Variants in TUBGCP4 observed in about 807,000 individuals in gnomAD.
The protein encoded by TUBGCP4 is gamma-tubulin complex component 4.
In TUBGCP4, 54 loss-of-function variants were observed where a neutral mutation model predicts 91.6. The ratio of observed to expected loss-of-function variants is 0.59; its 90% CI spans 0.47 to 0.74. The LOEUF is 0.74. TUBGCP4 is among the 30% of genes least tolerant of loss of function. The probability of loss-of-function intolerance (pLI) is 0.00; values close to 1 mark genes in which losing one functional copy is unlikely to be tolerated. For missense variants in TUBGCP4, 593 were observed against 800.9 expected, an observed-to-expected ratio of 0.74 and a Z score of 3.13; for synonymous variants, 297 against 302.8, an observed-to-expected ratio of 0.98 and a Z score of 0.20.
At position 43,375,330 on chromosome 15, in the gene TUBGCP4, T is replaced by G. The variant is rs564173236; in HGVS notation, c.79-768T>G. On this transcript the variant is annotated intron_variant, in intron 1 of 17. Coordinates refer to ENST00000564079, the MANE Select transcript of TUBGCP4 (RefSeq NM_014444.5). ...AAAAAGTTCTGGAGATGGATGGTGG[T>G]GCTGGTTGCACAACAGTGTGAATGT... Among the ~76,000 whole-genome samples, 4 of 152,364 alleles carry G rather than the reference T, an allele frequency of 2.6e-5. No homozygotes were observed. In the East Asian group the frequency reaches 5.8e-4, roughly 22 times the overall value.
intron 9 of TUBGCP4, among the ~76,000 whole-genome samples, chr15:43,389,298 G>A (rs981408531): frequency 6.6e-6 from 1 of 152,152 alleles, no homozygotes; most frequent in African/African-American, 2.4e-5. Flanking sequence ...AACTTGCAAC[G>A]TGTTGAACTC....
At position 43,397,316 on chromosome 15, in the gene TUBGCP4, A is replaced by G. The variant is rs1156287060; in HGVS notation, c.1274A>G (p.His425Arg). ...ACAATCGAGTATCACGGAAAGGAGC[A>G]CAAAGGTTTGCCATTCCTCCCTGCC... ...HLTIEYHGKE[H>R]KDATQAREGP... Residue 425 changes from histidine (H) to arginine (R), a missense_variant, in exon 12 of 18, where the codon CAC (histidine) becomes CGC (arginine). Transcript: ENST00000564079. 1 of 1,613,712 alleles carries G rather than the reference A, an allele frequency of 6.2e-7. No homozygotes were observed. Among genetic ancestry groups the G allele is most frequent in the Non-Finnish European group, 8.5e-7 (1 of 1,179,598 alleles).
rs938689509 is a variant in TUBGCP4, at chr15:43,406,890, G to A, written c.*1676G>A. On this transcript the variant is annotated 3_prime_UTR_variant, in exon 18 of 18. Coordinates refer to ENST00000564079, the MANE Select transcript of TUBGCP4 (RefSeq NM_014444.5). ...TGGGGAGTACCCACAGGTGAGCTGT[G>A]ATCTCAGCTCAGAGAGAGAGCATGA... 7 of 271,678 alleles carry A rather than the reference G, an allele frequency of 2.6e-5. No individual in the cohort carries two copies. Among genetic ancestry groups the A allele is most frequent in the African/African-American group, 1.1e-4 (5 of 44,746 alleles). 16.8% of individuals were successfully genotyped at this position (271,678 alleles called of 1,614,324 possible).
intron 9 of TUBGCP4, among the ~76,000 whole-genome samples, chr15:43,386,725 CAAAAAA>C (rs10718458): frequency 4.5e-5 from 3 of 67,012 alleles, no homozygotes; most frequent in Non-Finnish European, 8.7e-5. Flanking sequence ...ACTCTGTCTC[CAAAAAA>C]AAAAAAAAAA....
intron 14 of TUBGCP4, among the ~76,000 whole-genome samples, chr15:43,401,043 A>G (rs551590810): frequency 2.0e-5 from 3 of 152,202 alleles, no homozygotes; most frequent in Admixed American, 1.3e-4. Flanking sequence ...CTCATCAACA[A>G]TCTATTATTT....
At position 43,405,320 on chromosome 15, in the gene TUBGCP4, G is replaced by GT; in HGVS notation, c.*107dup. The GT allele has an allele frequency of 7.7e-7, 1 of 1,292,700 alleles. No individual in the cohort carries two copies. 80.1% of individuals were successfully genotyped at this position (1,292,700 alleles called of 1,614,324 possible). ...CACACAAATAAATATCTGCGGCTTA[G>GT]TGATAGGACTCTACCTTTTCTCCTA... On this transcript the variant is annotated 3_prime_UTR_variant, in exon 18 of 18. Transcript: ENST00000564079.
chr15:43,376,057 A>G, intron 1 of TUBGCP4, 41 bp from the exon 2 acceptor site: 1 of 1,605,220 alleles, frequency 6.2e-7, no homozygotes, highest in African/African-American at 1.3e-5. Flanking sequence ...AAGTTGGGGC[A>G]GCGACTGGCG....
Position 43,376,491 on chromosome 15 carries a change from G to A in TUBGCP4, c.208-12G>A, listed in dbSNP as rs749295138. 6.2e-7 allele frequency: 1 copy of A among 1,614,194 alleles called. No individual in the cohort carries two copies. On this transcript the variant is annotated splice_polypyrimidine_tract_variant and intron_variant, in intron 2 of 17. Transcript: ENST00000564079. ...TGAGCTGAGAAGTTGGCTTCTGTTT[G>A]TTTGATTTCAGGATCACCATCCATC...
chr15:43,405,254 C>T lies in TUBGCP4; in HGVS notation c.*40C>T. On this transcript the variant is annotated 3_prime_UTR_variant, in exon 18 of 18. Transcript: ENST00000564079. ...TAAATTGAAATAACAGCCACGTTCC[C>T]AAGGTTGTAACAGAAGATTCAAAAC... 5 of 1,611,296 alleles carry T rather than the reference C, an allele frequency of 3.1e-6. No individual in the cohort carries two copies. Among genetic ancestry groups the T allele is most frequent in the Non-Finnish European group, 4.2e-6 (5 of 1,177,518 alleles).
Position 43,406,589 on chromosome 15 carries a change from G to C in TUBGCP4, c.*1375G>C, listed in dbSNP as rs550364789. On this transcript the variant is annotated 3_prime_UTR_variant, in exon 18 of 18. Coordinates refer to ENST00000564079, the MANE Select transcript of TUBGCP4 (RefSeq NM_014444.5). ...ACAAAGCCTGAAATATTTACTCTTT[G>C]ACCCTTTACAGAAAAAAACCTTGTT... is the stretch of plus-strand genomic sequence containing the variant. The C allele has an allele frequency of 7.9e-5, 36 of 455,946 alleles. No individual in the cohort carries two copies. Among genetic ancestry groups the C allele is most frequent in the South Asian group, 5.6e-4 (36 of 64,556 alleles). The allele number at this position is 455,946 out of a possible 1,614,324, so 28.2% of individuals were successfully genotyped here.
Position 43,371,228 on chromosome 15 carries a change from T to G in TUBGCP4, c.-127T>G. The G allele has an allele frequency of 1.1e-6, 1 of 941,644 alleles. No individual in the cohort carries two copies. The highest frequency in any genetic ancestry group is 1.6e-6 in the Non-Finnish European group (1 of 615,698). 58.3% of individuals were successfully genotyped at this position (941,644 alleles called of 1,614,324 possible). On this transcript the variant is annotated 5_prime_UTR_variant, in exon 1 of 18. Transcript: ENST00000564079. Reference sequence around the variant, plus strand: ...CGCAGCGATTGTCTCGGTGGGTTGATTCGGCACAAACCGCCCGACCCAGGG... The same window carrying G: ...CGCAGCGATTGTCTCGGTGGGTTGAGTCGGCACAAACCGCCCGACCCAGGG...
chr15:43,371,691 G>C (rs1047054066), intron 1 of TUBGCP4, among the ~76,000 whole-genome samples: 1 of 152,186 alleles, frequency 6.6e-6, no homozygotes, highest in African/African-American at 2.4e-5. Context: ...CTGAGGTCCA[G>C]GTGTCTGACA....
At chr15:43,399,925 T>G in intron 13 of TUBGCP4, 119 bp from the exon 14 acceptor site, 1 of 607,016 alleles carries the variant, frequency 1.6e-6, no homozygotes, top group Non-Finnish European at 2.7e-6. Context: ...CTCTAGTCAC[T>G]CTTTCCTTAC....
intron 9 of TUBGCP4, chr15:43,393,952 A>AT (rs1447086448): frequency 6.6e-6 from 1 of 151,318 alleles, no homozygotes; most frequent in East Asian, 1.9e-4. Flanking sequence ...GAGGTTGAAC[A>AT]TTTTTTCATG....
At chr15:43,387,214 A>T (rs1291703577) in intron 9 of TUBGCP4, among the ~76,000 whole-genome samples, 1 of 152,246 alleles carries the variant, frequency 6.6e-6, no homozygotes. Context: ...GTGAGTAGCC[A>T]TAGTGAGGTC....
In TUBGCP4 at chr15:43,385,428, C is replaced by T. The variant is rs1450011630; in HGVS notation, c.724-363C>T. Reference sequence around the variant, plus strand: ...GCTGAGAGGAAAAGACAGTCTGGGACAGTGCCCTGAGGAGCACCAGCAGAG... The same window carrying T: ...GCTGAGAGGAAAAGACAGTCTGGGATAGTGCCCTGAGGAGCACCAGCAGAG... On this transcript the variant is annotated intron_variant, in intron 7 of 17. Transcript: ENST00000564079. 8.6e-6 allele frequency: 4 copies of T among 462,662 alleles called. No individual in the cohort carries two copies. The East Asian group carries it at 2.0e-4, about 23-fold the overall frequency. The allele number at this position is 462,662 out of a possible 1,614,324, so 28.7% of individuals were successfully genotyped here.
At position 43,407,203 on chromosome 15, in the gene TUBGCP4, A is replaced by G. The variant is rs1334457712; in HGVS notation, c.*1989A>G. 1 of 594,396 alleles carries G rather than the reference A, an allele frequency of 1.7e-6. No individual in the cohort carries two copies. The highest frequency in any genetic ancestry group is 2.9e-6 in the Non-Finnish European group (1 of 341,506). The allele number at this position is 594,396 out of a possible 1,614,324, so 36.8% of individuals were successfully genotyped here. On this transcript the variant is annotated 3_prime_UTR_variant, in exon 18 of 18. Transcript: ENST00000564079. The stretch of plus-strand genomic sequence containing the variant: ...AGATTAAGCTCAAAAAAACAGATGA[A>G]GAAATCCCAGTTACTACAACCAAAG...
At chr15:43,383,250 C>G in intron 6 of TUBGCP4, 53 bp from the exon 7 acceptor site, 1 of 1,491,938 alleles carries the variant, frequency 6.7e-7, no homozygotes, top group Non-Finnish European at 9.1e-7. Flanking sequence ...TCTGTTTATC[C>G]TGTAACAGTT....
At chr15:43,393,608 T>TAC (rs2044523678) in intron 9 of TUBGCP4, among the ~76,000 whole-genome samples, 1 of 151,654 alleles carries the variant, frequency 6.6e-6, no homozygotes, top group Non-Finnish European at 1.5e-5. Flanking sequence ...CCCCCCACCC[T>TAC]ACAACAGTCC....
Sources: gnomAD v4.1 joint callset for allele counts (sites outside exome capture counted in the v4.1 genomes callset) on GRCh38, gnomAD v4.1.1 for gene constraint, MANE v1.5 for transcripts, NCBI Gene and HGNC (gene_info 2026-07-23, HGNC 2026-07-21) for gene names.